DDC: variants seen among roughly 807,000 people sequenced by gnomAD.
The protein encoded by DDC is aromatic-L-amino-acid decarboxylase.
Under a neutral mutation model 60.0 loss-of-function variants are expected in DDC, and 43 were observed. That is an observed-to-expected ratio of 0.72 (90% CI 0.56 to 0.92). The LOEUF (loss-of-function observed/expected upper bound fraction) is 0.92. Among genes scored for constraint, DDC ranks in the 40% least tolerant of loss-of-function variants. The pLI is 0.00. For synonymous variants in DDC, 232 were observed against 234.6 expected (o/e 0.99, Z 0.10); for missense variants, 573 against 620.2 (o/e 0.92, Z 0.81).
In DDC at chr7:50,463,255, G is replaced by C. The variant is rs766373242; in HGVS notation, c.1419C>G (p.Asp473Glu). 1 of 1,613,770 alleles carries C rather than the reference G, an allele frequency of 6.2e-7. No homozygotes were observed. The highest frequency in any genetic ancestry group is 2.2e-5 in the East Asian group (1 of 44,882). Reference protein sequence around the residue: ...AWEHIKELAADVLRAERE With the variant: ...AWEHIKELAAEVLRAERE ...CCTACTCCCTCTCTGCTCGCAGCAC[G>C]TCGGCCGCCAGCTCTTTGATGTGTT... The change falls in exon 14 of 15, where the codon GAC becomes GAG. Residue 473 changes from aspartate to glutamate, a missense_variant. Transcript: ENST00000444124.
At position 50,463,483 on chromosome 7, in the gene DDC, A is replaced by T. The variant is rs776839013; in HGVS notation, c.1243-52T>A. 1.5e-5 allele frequency: 22 copies of T among 1,499,440 alleles called. No homozygotes were observed. In the African/African-American group the frequency reaches 3.0e-4, roughly 21 times the overall value. 92.9% of individuals were successfully genotyped at this position (1,499,440 alleles called of 1,614,324 possible). On this transcript the variant is annotated intron_variant, in intron 13 of 14. Transcript: ENST00000444124. ...TGCTCAGGTCTCTGAGGACTCAAAA[A>T]TCAACTGGTCATGTAGGAAAGACAG... is the stretch of plus-strand genomic sequence containing the variant.
At chr7:50,485,476 A>T (rs990724684) in intron 9 of DDC, among the ~76,000 whole-genome samples, 4 of 152,234 alleles carry the variant, frequency 2.6e-5, no homozygotes, top group Non-Finnish European at 5.9e-5. Context: ...AAAGAGAAAC[A>T]CTTCTAATTT....
In DDC at chr7:50,504,057, C is replaced by T. The variant is rs11575377; in HGVS notation, c.717G>A (p.Met239Ile). ...ATGTTGTGGTCCCCAGGGTGGCAAC[C>T]ATCTAGAGGGTAAAAAGCAGACAGC... ...DKAAGLIPFF[M>I]VATLGTTTCC... The change falls in exon 7 of 15, where the codon ATG becomes ATA. Residue 239 changes from methionine (M) to isoleucine (I), a missense_variant and splice_region_variant. Met to Ile is a conservative substitution (Grantham distance 10). Coordinates refer to ENST00000444124, the MANE Select transcript of DDC (RefSeq NM_001082971.2). 1 of 1,612,562 alleles carries T rather than the reference C, an allele frequency of 6.2e-7. No individual in the cohort carries two copies. The highest frequency in any genetic ancestry group is 8.5e-7 in the Non-Finnish European group (1 of 1,178,582).
Position 50,528,158 on chromosome 7 carries a change from C to T in DDC, c.693G>A (p.Ala231=), listed in dbSNP as rs138287031. The T allele has an allele frequency of 1.9e-6, 3 of 1,613,182 alleles. No homozygotes were observed. Among genetic ancestry groups the T allele is most frequent in the Admixed American group, 3.3e-5 (2 of 60,000 alleles). ...TTACAAAGAAAGGAATCAGGCCAGCCGCTTTGTCTCTCTCCAGGGCTTCCT... is the reference window on the plus strand; with the variant it reads ...TTACAAAGAAAGGAATCAGGCCAGCTGCTTTGTCTCTCTCCAGGGCTTCCT... ...ALQEALERDK[A]AGLIPFFMVA... Residue 231 remains alanine (A), a synonymous_variant, in exon 6 of 15, where the codon GCG becomes GCA. Coordinates refer to ENST00000444124, the MANE Select transcript of DDC (RefSeq NM_001082971.2).
chr7:50,547,634 C>T (rs561428634), intron 1 of DDC, among the ~76,000 whole-genome samples: 14 of 150,852 alleles, frequency 9.3e-5, no homozygotes, highest in African/African-American at 3.2e-4. Context: ...TTCACCCACA[C>T]AGTGGGAAGC....
intron 6 of DDC, among the ~76,000 whole-genome samples, chr7:50,505,251 T>G (rs1351805007): frequency 2.0e-5 from 3 of 152,248 alleles, no homozygotes; most frequent in Admixed American, 2.0e-4. Flanking sequence ...TGCTGGACAT[T>G]GCATAGATGC....
intron 6 of DDC, among the ~76,000 whole-genome samples, chr7:50,518,845 C>T (rs555809017): frequency 0.013 from 1,905 of 152,246 alleles, 36 homozygotes; most frequent in African/African-American, 0.044. Flanking sequence ...ATTTCATGAA[C>T]AAGAACCCAA....
chr7:50,529,065 C>A (rs1563030298), intron 5 of DDC, 143 bp downstream of exon 5: 3 of 1,098,538 alleles, frequency 2.7e-6, no homozygotes, highest in Admixed American at 3.5e-5. Flanking sequence ...CCACCCCTTC[C>A]CTGTAGTTCA....
intron 7 of DDC, among the ~76,000 whole-genome samples, chr7:50,500,928 A>C (rs2043237941): frequency 6.6e-6 from 1 of 152,214 alleles, no homozygotes; most frequent in African/African-American, 2.4e-5. Context: ...TCTGGTTTCC[A>C]TGGGGATGCA....
At chr7:50,548,217 T>C (rs2044869240) in intron 1 of DDC, among the ~76,000 whole-genome samples, 1 of 152,164 alleles carries the variant, frequency 6.6e-6, no homozygotes, top group African/African-American at 2.4e-5. Flanking sequence ...ATTAGGTCAG[T>C]TAGTAACACT....
chr7:50,527,865 CAAA>C, intron 6 of DDC: 1 of 324,750 alleles, frequency 3.1e-6, no homozygotes, highest in Non-Finnish European at 5.9e-6. Context: ...ATTGACAAAA[CAAA>C]AAAAAAAATG....
intron 1 of DDC, among the ~76,000 whole-genome samples, chr7:50,556,276 G>T (rs913686790): frequency 2.0e-5 from 3 of 152,120 alleles, no homozygotes; most frequent in African/African-American, 7.2e-5. Context: ...CAAGATTAAG[G>T]CCCCGGCAGA....
At chr7:50,461,713 T>TC (rs1250671220) in intron 14 of DDC, among the ~76,000 whole-genome samples, 1 of 152,216 alleles carries the variant, frequency 6.6e-6, no homozygotes, top group Non-Finnish European at 1.5e-5. Context: ...GTACTTTCCC[T>TC]CCCCTCACAT....
chr7:50,540,242 C>A (rs2044580726), intron 2 of DDC: 3 of 558,200 alleles, frequency 5.4e-6, no homozygotes, highest in East Asian at 6.8e-5. Context: ...CCCTTTAAAC[C>A]AGCTCCCTTT....
intron 9 of DDC, among the ~76,000 whole-genome samples, chr7:50,489,488 T>C (rs186607220): frequency 7.1e-4 from 108 of 152,334 alleles, no homozygotes; most frequent in Admixed American, 2.4e-3. Context: ...CATTGTACTA[T>C]TACAGGACTT....
At chr7:50,526,983 A>G (rs1038181987) in intron 6 of DDC, among the ~76,000 whole-genome samples, 1 of 148,926 alleles carries the variant, frequency 6.7e-6, no homozygotes, top group Non-Finnish European at 1.5e-5. Flanking sequence ...TAACAGATAT[A>G]AAAGTGGAAA....
chr7:50,462,115 C>T (rs1342037169), intron 14 of DDC, among the ~76,000 whole-genome samples: 1 of 151,696 alleles, frequency 6.6e-6, no homozygotes, highest in Non-Finnish European at 1.5e-5. Context: ...GATTCTAAAT[C>T]CCCCACGGGT....
intron 14 of DDC, among the ~76,000 whole-genome samples, chr7:50,459,218 CG>C (rs1331618998): frequency 6.6e-6 from 1 of 152,230 alleles, no homozygotes; most frequent in African/African-American, 2.4e-5. Flanking sequence ...CTCGGCCTCC[CG>C]AGGTGCCGGG....
At chr7:50,482,677 A>C (rs969556113) in intron 9 of DDC, among the ~76,000 whole-genome samples, 1 of 152,208 alleles carries the variant, frequency 6.6e-6, no homozygotes, top group African/African-American at 2.4e-5. Context: ...CTTTATGAAC[A>C]TATCATCCTA....
Sources: allele counts gnomAD v4.1 joint callset (sites outside exome capture counted in the v4.1 genomes callset), GRCh38; gene constraint gnomAD v4.1.1; transcripts MANE v1.5; gene names NCBI Gene and HGNC (gene_info 2026-07-23, HGNC 2026-07-21).